The following RBPJ variants were observed in gnomAD, a reference collection of about 807,000 sequenced individuals.
The protein encoded by RBPJ is recombining binding protein suppressor of hairless.
A neutral mutation model predicts 67.8 loss-of-function variants in RBPJ; 9 were observed. The observed-to-expected ratio is 0.13, with a 90% CI of 0.08 to 0.23. The LOEUF is 0.23. RBPJ is among the 10% of genes least tolerant of loss of function. The probability of loss-of-function intolerance (pLI) is 1.00; values close to 1 mark genes in which losing one functional copy is unlikely to be tolerated. For synonymous variants in RBPJ, 198 were observed against 203.3 expected (o/e 0.97, Z 0.22); for missense variants, 305 against 595.6 (o/e 0.51, Z 5.08).
chr4:26,130,948 G>A, the RBPJ span, among the ~76,000 whole-genome samples: 1 of 152,092 alleles, frequency 6.6e-6, no homozygotes, highest in Non-Finnish European at 1.5e-5. Context: ...ATTACATTTC[G>A]GCGTGGAATG....
intron 1 of RBPJ, among the ~76,000 whole-genome samples, chr4:26,324,718 G>C (rs562458787): frequency 6.6e-6 from 1 of 151,948 alleles, no homozygotes; most frequent in African/African-American, 2.4e-5. Flanking sequence ...TAGTAGACAT[G>C]GGGTTTCGCC....
chr4:26,273,451 C>G (rs1475543604), intron 1 of RBPJ, among the ~76,000 whole-genome samples: 2 of 152,204 alleles, frequency 1.3e-5, no homozygotes, highest in African/African-American at 4.8e-5. Flanking sequence ...TCCGAGGGAG[C>G]GTGGAGCGGG....
intron 1 of RBPJ, among the ~76,000 whole-genome samples, chr4:26,268,696 A>G (rs1405992085): frequency 1.3e-5 from 2 of 152,064 alleles, no homozygotes; most frequent in East Asian, 3.8e-4. Context: ...CTTGGAAACT[A>G]AAAAATAGAA....
At chr4:26,127,895 C>T in the RBPJ span, among the ~76,000 whole-genome samples, 1 of 152,240 alleles carries the variant, frequency 6.6e-6, no homozygotes, top group Admixed American at 6.5e-5. Flanking sequence ...TTGGCAGCTG[C>T]TCAGAGGGAA....
chr4:26,164,524 T>C (rs1716191367), intron 1 of RBPJ, among the ~76,000 whole-genome samples: 1 of 152,208 alleles, frequency 6.6e-6, no homozygotes, highest in Non-Finnish European at 1.5e-5. Context: ...TATTCTCTTC[T>C]TATTCGGGCA....
rs569470223 is a variant in RBPJ, at chr4:26,322,427, A to T, written c.20+1379A>T. 18 of 152,318 alleles carry T rather than the reference A, an allele frequency of 1.2e-4. 1 individual carries two copies. Among genetic ancestry groups the T allele is most frequent in the Non-Finnish European group, 2.2e-4 (15 of 68,036 alleles). The allele number at this position is 152,318 out of a possible 1,614,324, so 9.4% of individuals were successfully genotyped here. Reference sequence around the variant, plus strand: ...CTGCCTCATAAGGAAAAGGAGAGGCATTCCGCTTGGGAATTTTATATAAAT... The same window carrying T: ...CTGCCTCATAAGGAAAAGGAGAGGCTTTCCGCTTGGGAATTTTATATAAAT... On this transcript the variant is annotated intron_variant, in intron 1 of 10. Coordinates refer to ENST00000355476, the MANE Select transcript of RBPJ (RefSeq NM_015874.6).
intron 1 of RBPJ, among the ~76,000 whole-genome samples, chr4:26,206,458 T>C (rs1718173580): frequency 6.6e-6 from 1 of 152,198 alleles, no homozygotes; most frequent in Non-Finnish European, 1.5e-5. Context: ...TCCTTTGCTG[T>C]GGAGGCCAGG....
chr4:26,382,874 TTGAG>T (rs1358981750), intron 1 of RBPJ, among the ~76,000 whole-genome samples: 1 of 152,196 alleles, frequency 6.6e-6, no homozygotes, highest in Non-Finnish European at 1.5e-5. Context: ...CTCATTCCTT[TTGAG>T]TTTTTTCCAG....
rs113547409 is a variant in RBPJ at position 26,293,310 on chromosome 4, CT to C, written c.-166-69125del. On this transcript the variant is annotated intron_variant, in intron 1 of 4. Transcript: ENST00000512351. ...TCTGGAAGGTGGTGCCCTCAGCTTC[CT>C]TTTTTTTTTTATTTTGTTTATTGCA... Among the ~76,000 whole-genome samples, 69 of 144,362 alleles carry C rather than the reference CT, an allele frequency of 4.8e-4. 1 individual carries two copies. Among genetic ancestry groups the C allele is most frequent in the East Asian group, 2.9e-3 (14 of 4,870 alleles). The allele number at this position is 144,362 out of a possible 152,430, so 94.7% of individuals were successfully genotyped here.
At chr4:26,116,931 C>G in the RBPJ span, among the ~76,000 whole-genome samples, 1 of 152,174 alleles carries the variant, frequency 6.6e-6, no homozygotes, top group Non-Finnish European at 1.5e-5. Context: ...TTGAGATGCA[C>G]GGGAACCTTT....
the RBPJ span, among the ~76,000 whole-genome samples, chr4:26,145,528 A>G: frequency 6.6e-6 from 1 of 152,216 alleles, no homozygotes; most frequent in Non-Finnish European, 1.5e-5. Context: ...TAACATATCA[A>G]TGTCCTCTTC....
intron 1 of RBPJ, among the ~76,000 whole-genome samples, chr4:26,191,242 T>TAGAG (rs1225496849): frequency 5.1e-5 from 3 of 59,044 alleles, no homozygotes; most frequent in Middle Eastern, 0.011. Context: ...GAGAGAGAGA[T>TAGAG]AGAGAGAGAG....
At chr4:26,124,850 T>C in the RBPJ span, among the ~76,000 whole-genome samples, 1 of 152,166 alleles carries the variant, frequency 6.6e-6, no homozygotes, top group African/African-American at 2.4e-5. Flanking sequence ...CTTCACATAA[T>C]CTTATGGGAC....
intron 1 of RBPJ, chr4:26,359,609 T>A (rs1486254655): frequency 6.6e-6 from 1 of 152,082 alleles, no homozygotes; most frequent in Non-Finnish European, 1.5e-5. Context: ...GGTGCGCTCC[T>A]CGGGGTCGGC....
chr4:26,129,167 T>G, the RBPJ span, among the ~76,000 whole-genome samples: 22 of 152,344 alleles, frequency 1.4e-4, no homozygotes, highest in East Asian at 4.2e-3. Context: ...CATTCCCATT[T>G]TACAGATAAG....
chr4:26,304,510 ATCTG>A (rs1722171474), intron 1 of RBPJ, among the ~76,000 whole-genome samples: 1 of 152,222 alleles, frequency 6.6e-6, no homozygotes, highest in South Asian at 2.1e-4. Context: ...ATTTGTCATT[ATCTG>A]TCTTTTGGCT....
chr4:26,305,461 G>A (rs890722978), intron 1 of RBPJ, among the ~76,000 whole-genome samples: 12 of 152,082 alleles, frequency 7.9e-5, no homozygotes, highest in African/African-American at 2.4e-4. Context: ...AACATGGGAT[G>A]TTTTTCCATT....
At chr4:26,153,062 C>T in the RBPJ span, among the ~76,000 whole-genome samples, 4 of 152,262 alleles carry the variant, frequency 2.6e-5, no homozygotes, top group South Asian at 2.1e-4. Flanking sequence ...TTATATACAC[C>T]TTATACACAT....
the RBPJ span, among the ~76,000 whole-genome samples, chr4:26,157,927 C>T: frequency 6.6e-6 from 1 of 152,118 alleles, no homozygotes; most frequent in Non-Finnish European, 1.5e-5. Context: ...ATGATCTAGC[C>T]TCAATTGAGC....
Sources: allele counts gnomAD v4.1 joint callset (sites outside exome capture counted in the v4.1 genomes callset), GRCh38; gene constraint gnomAD v4.1.1; transcripts MANE v1.5; gene names NCBI Gene and HGNC (gene_info 2026-07-23, HGNC 2026-07-21).